CLDN11: variants seen among roughly 807,000 people sequenced by gnomAD.
CLDN11 encodes the protein claudin 11.
CLDN11 carries 1 observed loss-of-function variant against 18.0 expected under a neutral mutation model. The observed-to-expected ratio is 0.06, with a 90% CI of 0.02 to 0.26. The LOEUF is 0.26. Among genes scored for constraint, CLDN11 ranks in the 10% least tolerant of loss-of-function variants. The pLI is 1.00. For synonymous variants in CLDN11, 116 were observed against 121.5 expected (o/e 0.96, Z 0.30); for missense variants, 172 against 276.6 (o/e 0.62, Z 2.68).
chr3:170,420,534 A>T (rs1451335035), intron 1 of CLDN11, among the ~76,000 whole-genome samples: 6 of 152,006 alleles, frequency 3.9e-5, no homozygotes, highest in Non-Finnish European at 8.8e-5. Context: ...GGCACATTTT[A>T]TCTTGTTTTT....
Position 170,418,889 on chromosome 3 carries a change from C to G in CLDN11, c.-178C>G. 1.8e-6 allele frequency: 1 copy of G among 558,204 alleles called. No individual in the cohort carries two copies. The highest frequency in any genetic ancestry group is 3.2e-6 in the Non-Finnish European group (1 of 315,680). 34.6% of individuals were successfully genotyped at this position (558,204 alleles called of 1,614,324 possible). A position where few individuals can be genotyped will look rare whatever the true frequency, so the allele number is the denominator to read the frequency against. ...CAGCAGCGCTGCTGTCCCCGCCGTG[C>G]GCCCTTCGCCGCTGAGCTCGCAGCC... On this transcript the variant is annotated 5_prime_UTR_variant, in exon 1 of 3. Coordinates refer to ENST00000064724, the MANE Select transcript of CLDN11 (RefSeq NM_005602.6). The surrounding 1 kb of genome is among the most constrained non-coding windows in gnomAD (Gnocchi z 4.3).
chr3:170,424,903 G>A (rs1738809861), intron 2 of CLDN11, among the ~76,000 whole-genome samples: 1 of 144,654 alleles, frequency 6.9e-6, no homozygotes, highest in Non-Finnish European at 1.5e-5. Context: ...GCAGGTTCTT[G>A]TGAAGCCACA....
At chr3:170,428,822 A>G (rs1024708131) in intron 2 of CLDN11, among the ~76,000 whole-genome samples, 1 of 152,248 alleles carries the variant, frequency 6.6e-6, no homozygotes, top group African/African-American at 2.4e-5. Context: ...ATAAACTCTG[A>G]TGATATAAAA....
Position 170,432,708 on chromosome 3 carries a change from C to T in CLDN11, c.576C>T (p.Tyr192=), listed in dbSNP as rs1739030295. Residue 192 remains tyrosine (Y), a synonymous_variant, in exon 3 of 3, where the codon TAC becomes TAT. Transcript: ENST00000064724. ...AQAFGENRFY[Y]TAGSSSPTHA... ...CCTTTGGTGAAAACCGTTTCTACTA[C>T]ACTGCGGGCTCTAGCTCCCCGACTC... 2 of 1,614,232 alleles carry T rather than the reference C, an allele frequency of 1.2e-6. No individual in the cohort carries two copies. The highest frequency in any genetic ancestry group is 1.7e-6 in the Non-Finnish European group (2 of 1,180,050).
intron 1 of CLDN11, among the ~76,000 whole-genome samples, chr3:170,421,907 T>G (rs532056690): frequency 1.0e-4 from 16 of 152,386 alleles, no homozygotes; most frequent in African/African-American, 3.8e-4. Context: ...CTTCTATTTT[T>G]CAGTTCTCTT....
intron 2 of CLDN11, among the ~76,000 whole-genome samples, chr3:170,430,584 G>T (rs1464470387): frequency 8.6e-5 from 13 of 151,474 alleles, no homozygotes; most frequent in Admixed American, 8.5e-4. Flanking sequence ...TGTTGCCCAG[G>T]CTGGAGTGCA....
At chr3:170,420,144 G>T (rs1302051863) in intron 1 of CLDN11, among the ~76,000 whole-genome samples, 1 of 152,272 alleles carries the variant, frequency 6.6e-6, no homozygotes, top group Non-Finnish European at 1.5e-5. Context: ...GCCTAGCGCC[G>T]GCCAGGGGCC....
At chr3:170,420,134 G>A (rs1278736045) in intron 1 of CLDN11, among the ~76,000 whole-genome samples, 4 of 152,254 alleles carry the variant, frequency 2.6e-5, no homozygotes, top group Admixed American at 2.6e-4. Flanking sequence ...AAAATTGACA[G>A]CCTAGCGCCG....
intron 2 of CLDN11, among the ~76,000 whole-genome samples, chr3:170,429,858 G>C (rs1437304369): frequency 6.6e-6 from 1 of 152,236 alleles, no homozygotes; most frequent in East Asian, 1.9e-4. Flanking sequence ...CACATGTGCT[G>C]TATGTGTAAA....
intron 1 of CLDN11, among the ~76,000 whole-genome samples, chr3:170,420,955 T>G (rs1334571622): frequency 6.6e-6 from 1 of 152,148 alleles, no homozygotes; most frequent in Non-Finnish European, 1.5e-5. Flanking sequence ...TAATCTCCTT[T>G]GAGATAGTAG....
rs781590607 is a variant in CLDN11 at position 170,432,683 on chromosome 3, C to T, written c.551C>T (p.Ala184Val). 1.2e-6 allele frequency: 2 copies of T among 1,614,188 alleles called. No individual in the cohort carries two copies. Among genetic ancestry groups the T allele is most frequent in the South Asian group, 1.1e-5 (1 of 91,088 alleles). The change falls in exon 3 of 3, where the codon GCC becomes GTC. Residue 184 changes from alanine to valine, a missense_variant. Around this residue, in one of 3 missense-constraint regions of CLDN11, gnomAD observed 161 missense variants for 240.3 expected, o/e 0.67. Coordinates refer to ENST00000064724, the MANE Select transcript of CLDN11 (RefSeq NM_005602.6). ...VILCCAGDAQ[A>V]FGENRFYYTA... ...CTCTGCTGCGCTGGAGATGCCCAGG[C>T]CTTTGGTGAAAACCGTTTCTACTAC...
rs1452564885 is a variant in CLDN11, at chr3:170,432,747, C to G, written c.615C>G (p.Ala205=). 6 of 1,614,166 alleles carry G rather than the reference C, an allele frequency of 3.7e-6. No homozygotes were observed. The South Asian group carries it at 6.6e-5, about 18-fold the overall frequency. The change falls in exon 3 of 3, where the codon GCC becomes GCG. Residue 205 remains alanine, a synonymous_variant. Transcript: ENST00000064724. ...GSSSPTHAKS[A]HV ...GCTCCCCGACTCATGCGAAGAGTGC[C>G]CACGTATAAGAGGGCTGCCCGGCTG...
In CLDN11 at chr3:170,419,252, G is replaced by T; in HGVS notation, c.186G>T (p.Leu62=). The T allele has an allele frequency of 6.4e-7, 1 of 1,574,390 alleles. No individual in the cohort carries two copies. Among genetic ancestry groups the T allele is most frequent in the East Asian group, 2.4e-5 (1 of 42,278 alleles). The change falls in exon 1 of 3, where the codon CTG becomes CTT. Residue 62 remains leucine (L), a synonymous_variant. Coordinates refer to ENST00000064724, the MANE Select transcript of CLDN11 (RefSeq NM_005602.6). The surrounding 1 kb of genome is among the most constrained non-coding windows in gnomAD (Gnocchi z 8.6). ...LWADCVMATG[L]YHCKPLVDIL... ...CCGACTGCGTCATGGCCACGGGGCTGTACCACTGCAAGCCCCTGGTGGACA... is the reference window on the plus strand; with the variant it reads ...CCGACTGCGTCATGGCCACGGGGCTTTACCACTGCAAGCCCCTGGTGGACA...
In CLDN11 at chr3:170,423,279, G is replaced by C; in HGVS notation, c.343G>C (p.Ala115Pro). 1 of 1,614,198 alleles carries C rather than the reference G, an allele frequency of 6.2e-7. No individual in the cohort carries two copies. Among genetic ancestry groups the C allele is most frequent in the South Asian group, 1.1e-5 (1 of 91,074 alleles). The change falls in exon 2 of 3, where the codon GCT (alanine) becomes CCT (proline). Residue 115 changes from alanine to proline, a missense_variant. Physicochemically the swap from Ala to Pro is conservative, Grantham distance 27 (BLOSUM62 -1). Coordinates refer to ENST00000064724, the MANE Select transcript of CLDN11 (RefSeq NM_005602.6). ...CCGGATGGGCCAGGAGCCCGGTGTG[G>C]CTAAGTACAGGCGGGCCCAGCTGGC... ...CIRMGQEPGV[A>P]KYRRAQLAGV...
chr3:170,430,438 A>C (rs1049268586), intron 2 of CLDN11, among the ~76,000 whole-genome samples: 2 of 152,138 alleles, frequency 1.3e-5, no homozygotes, highest in Non-Finnish European at 1.5e-5. Context: ...ACATCTTCTC[A>C]TGGTATCTCA....
chr3:170,419,228 C>A lies in CLDN11; in HGVS notation c.162C>A (p.Ala54=). The A allele has an allele frequency of 6.3e-7, 1 of 1,575,218 alleles. No homozygotes were observed. The stretch of plus-strand genomic sequence containing the variant: ...AGCTGGGCTCCAAGGGGCTGTGGGC[C>A]GACTGCGTCATGGCCACGGGGCTGT... The part of the protein sequence containing the change: ...LDELGSKGLW[A]DCVMATGLYH... The change falls in exon 1 of 3, where the codon GCC becomes GCA. Residue 54 remains alanine, a synonymous_variant. Coordinates refer to ENST00000064724, the MANE Select transcript of CLDN11 (RefSeq NM_005602.6). This position sits in a 1 kb window ranked among gnomAD's most constrained non-coding sequence, Gnocchi z 8.6.
At chr3:170,424,882 G>A (rs1738809260) in intron 2 of CLDN11, among the ~76,000 whole-genome samples, 1 of 152,088 alleles carries the variant, frequency 6.6e-6, no homozygotes, top group Non-Finnish European at 1.5e-5. Context: ...ATTGCAAAGG[G>A]ACGGAGGTTT....
rs927302886 is a variant in CLDN11, at chr3:170,419,450, C to T, written c.226+158C>T. Among the ~76,000 whole-genome samples the T allele has an allele frequency of 3.3e-5, 5 of 152,146 alleles. No individual in the cohort carries two copies. The highest frequency in any genetic ancestry group is 4.8e-5 in the African/African-American group (2 of 41,428). On this transcript the variant is annotated intron_variant, in intron 1 of 2. Transcript: ENST00000064724. The surrounding 1 kb of genome is among the most constrained non-coding windows in gnomAD (Gnocchi z 8.6). ...CCTTGTTGTAAAAGAATTAGGCAGC[C>T]CCGAACTTAACTTCTCTAGGCCGCA... is the stretch of plus-strand genomic sequence containing the variant.
intron 1 of CLDN11, chr3:170,421,211 G>A (rs1738715332): frequency 1.1e-6 from 1 of 899,186 alleles, no homozygotes; most frequent in Non-Finnish European, 1.3e-6. Flanking sequence ...TCATACTTTG[G>A]GTGGAGGCAG....
Sources: gnomAD v4.1 joint callset for allele counts (sites outside exome capture counted in the v4.1 genomes callset) on GRCh38, gnomAD v4.1.1 for gene constraint, gnomAD v4.1.1 regional missense constraint, Gnocchi (gnomAD v3.1) non-coding constraint, MANE v1.5 for transcripts, NCBI Gene and HGNC (gene_info 2026-07-23, HGNC 2026-07-21) for gene names.